Variants in APOL5 observed in about 807,000 individuals in gnomAD.
The protein encoded by APOL5 is apolipoprotein L, 5.
A neutral mutation model predicts 35.5 loss-of-function variants in APOL5; 29 were observed. The ratio of observed to expected loss-of-function variants is 0.82; its 90% CI spans 0.61 to 1.11. The LOEUF (loss-of-function observed/expected upper bound fraction) is 1.11, where lower values mean the gene tolerates loss of function less well. Among genes scored for constraint, APOL5 ranks in the 50% most tolerant of loss-of-function variants. APOL5 has a pLI of 0.00. For synonymous variants in APOL5, 188 were observed against 200.2 expected (o/e 0.94, Z 0.51); for missense variants, 514 against 530.4 (o/e 0.97, Z 0.30).
intron 2 of APOL5, among the ~76,000 whole-genome samples, 160 bp downstream of exon 2, chr22:35,720,814 C>T (rs988720197): frequency 5.3e-5 from 8 of 152,166 alleles, no homozygotes; most frequent in East Asian, 1.9e-4. Context: ...GGCACGATCT[C>T]GGCTCACTGC....
chr22:35,710,244 T>C, the APOL5 span, among the ~76,000 whole-genome samples: 1 of 149,880 alleles, frequency 6.7e-6, no homozygotes, highest in African/African-American at 2.5e-5. Context: ...CCTGCCTCAG[T>C]CTCCCAAGTA....
intron 3 of APOL5, among the ~76,000 whole-genome samples, chr22:35,727,490 G>A (rs1927213295): frequency 6.6e-6 from 1 of 152,292 alleles, no homozygotes; most frequent in Non-Finnish European, 1.5e-5. Flanking sequence ...GCAGGCTCTG[G>A]CAGGGAAGGA....
At chr22:35,710,386 C>T in the APOL5 span, among the ~76,000 whole-genome samples, 3 of 151,266 alleles carry the variant, frequency 2.0e-5, no homozygotes, top group East Asian at 5.8e-4. Flanking sequence ...AAGTGATCCT[C>T]CCGCCTTGGC....
rs117618381 is a variant in APOL5, at chr22:35,722,809, C to T, written c.142+2155C>T. On this transcript the variant is annotated intron_variant, in intron 2 of 4. Transcript: ENST00000249044. ...TTCCCAAAGAGCCTAGATGTGTCAC[C>T]GTGATTCTCCCGTGCTTTAGACACC... Among the ~76,000 whole-genome samples, 1,316 of 152,262 alleles carry T rather than the reference C, an allele frequency of 8.6e-3. 25 individuals are homozygous for T. Among genetic ancestry groups the T allele is most frequent in the Middle Eastern group, 0.068 (20 of 294 alleles).
intron 1 of APOL5, among the ~76,000 whole-genome samples, chr22:35,719,717 C>T (rs1292969015): frequency 7.1e-6 from 1 of 140,224 alleles, no homozygotes; most frequent in Non-Finnish European, 1.5e-5. Context: ...GCTCCGACCC[C>T]ACAGCAGCCC....
chr22:35,719,078 A>G (rs1601894754), intron 1 of APOL5, among the ~76,000 whole-genome samples: 1 of 151,932 alleles, frequency 6.6e-6, no homozygotes, highest in African/African-American at 2.4e-5. Context: ...ATAATAAATA[A>G]TAATAATAAA....
chr22:35,711,190 A>C, the APOL5 span, among the ~76,000 whole-genome samples: 6 of 152,248 alleles, frequency 3.9e-5, no homozygotes, highest in Non-Finnish European at 5.9e-5. Flanking sequence ...ACAACAACAA[A>C]AAAAGCAAAC....
intron 2 of APOL5, 94 bp from the exon 3 acceptor site, chr22:35,726,117 A>AT: frequency 6.9e-7 from 1 of 1,444,158 alleles, no homozygotes; most frequent in Non-Finnish European, 9.4e-7. Flanking sequence ...CACTGTTAGA[A>AT]TTTTTGCAAA....
At chr22:35,723,362 T>C (rs1439561215) in intron 2 of APOL5, among the ~76,000 whole-genome samples, 4 of 152,120 alleles carry the variant, frequency 2.6e-5, no homozygotes, top group African/African-American at 9.7e-5. Flanking sequence ...AGTCCATAGT[T>C]CAGCAATACA....
In APOL5 at chr22:35,728,831, G is replaced by GCCACCAGCCAGCC. The variant is rs779255435; in HGVS notation, c.1244_1256dup (p.Pro420SerfsTer31). On this transcript the variant is annotated frameshift_variant, in exon 4 of 5. Transcript: ENST00000249044. LOFTEE classifies it low-confidence loss of function (END_TRUNC). ...ACAGTCTCTGCCCCAAGGATGCTTG[G>GCCACCAGCCAGCC]CCACCAGCCAGCCCCACCAGCACCA... 20 of 1,612,270 alleles carry GCCACCAGCCAGCC rather than the reference G, an allele frequency of 1.2e-5. No individual in the cohort carries two copies. In the South Asian group the frequency reaches 2.1e-4, roughly 17 times the overall value.
intron 1 of APOL5, among the ~76,000 whole-genome samples, chr22:35,720,126 T>C (rs1051232596): frequency 6.6e-6 from 1 of 152,170 alleles, no homozygotes; most frequent in African/African-American, 2.4e-5. Flanking sequence ...GCCAGAGTGG[T>C]CTTAGAAAAT....
upstream of APOL5, among the ~76,000 whole-genome samples, chr22:35,714,104 G>T (rs1926669656): frequency 6.6e-6 from 1 of 152,170 alleles, no homozygotes; most frequent in Admixed American, 6.5e-5. Context: ...TTGAGGTCAG[G>T]AGTTTAAGAC....
intron 2 of APOL5, among the ~76,000 whole-genome samples, chr22:35,725,666 C>A (rs972014692): frequency 2.0e-5 from 3 of 152,036 alleles, no homozygotes; most frequent in Non-Finnish European, 4.4e-5. Flanking sequence ...CGCCCTCTTG[C>A]GCTGAGCGGG....
the APOL5 span, among the ~76,000 whole-genome samples, chr22:35,710,306 A>C: frequency 7.0e-6 from 1 of 143,454 alleles, no homozygotes; most frequent in Admixed American, 7.0e-5. Context: ...TTTCTTTTTT[A>C]TTCTTCTTTT....
chr22:35,711,254 A>G, the APOL5 span, among the ~76,000 whole-genome samples: 2 of 152,218 alleles, frequency 1.3e-5, no homozygotes, highest in African/African-American at 4.8e-5. Context: ...CATGATGTGT[A>G]TATATCACCT....
At chr22:35,713,302 A>G (rs1185889511), upstream of APOL5, among the ~76,000 whole-genome samples, 1 of 152,234 alleles carries the variant, frequency 6.6e-6, no homozygotes, top group Non-Finnish European at 1.5e-5. Flanking sequence ...TGTTCAAACC[A>G]GAAGTCTTTG....
In APOL5 at chr22:35,726,380, A is replaced by T; in HGVS notation, c.312A>T (p.Ser104=). 4 of 1,614,156 alleles carry T rather than the reference A, an allele frequency of 2.5e-6. No individual in the cohort carries two copies. Among genetic ancestry groups the T allele is most frequent in the Non-Finnish European group, 3.4e-6 (4 of 1,180,054 alleles). ...NLSEEEKLFL[S]YFPLHKFELE... ...CAGAGGAGGAAAAATTGTTTCTCTC[A>T]TATTTTCCTTTGCACAAGTTTGAGC... is the stretch of plus-strand genomic sequence containing the variant. Residue 104 remains serine, a synonymous_variant, in exon 3 of 5, where the codon TCA becomes TCT. Transcript: ENST00000249044.
chr22:35,714,195 C>T (rs1483206714), upstream of APOL5, among the ~76,000 whole-genome samples: 1 of 152,096 alleles, frequency 6.6e-6, no homozygotes, highest in African/African-American at 2.4e-5. Context: ...ACCTGTAATC[C>T]CAGCTACTTG....
At chr22:35,724,907 G>A (rs766666677) in intron 2 of APOL5, among the ~76,000 whole-genome samples, 6 of 152,072 alleles carry the variant, frequency 3.9e-5, no homozygotes, top group Admixed American at 1.3e-4. Context: ...CACCGTGCCC[G>A]GCCTTGTATC....
Sources: gnomAD v4.1 joint callset for allele counts (sites outside exome capture counted in the v4.1 genomes callset) on GRCh38, gnomAD v4.1.1 for gene constraint, MANE v1.5 for transcripts, NCBI Gene and HGNC (gene_info 2026-07-23, HGNC 2026-07-21) for gene names.